Variants in PKHD1 observed in about 807,000 individuals in gnomAD.
PKHD1 encodes PKHD1 ciliary IPT domain containing fibrocystin/polyductin.
In PKHD1, 291 loss-of-function variants were observed where a neutral mutation model predicts 412.0. That is an observed-to-expected ratio of 0.71 (90% CI 0.64 to 0.78). The LOEUF is 0.78. PKHD1 is among the 30% of genes least tolerant of loss of function. PKHD1 has a pLI of 0.00. For synonymous variants in PKHD1, 1,777 were observed against 1,821.5 expected, an observed-to-expected ratio of 0.98 and a Z score of 0.62; for missense variants, 4,825 against 4,950.7, an observed-to-expected ratio of 0.97 and a Z score of 0.76.
In PKHD1 at chr6:51,870,522, C is replaced by G; in HGVS notation, c.7468G>C (p.Asp2490His). 4 of 1,612,438 alleles carry G rather than the reference C, an allele frequency of 2.5e-6. No homozygotes were observed. The highest frequency in any genetic ancestry group is 3.4e-6 in the Non-Finnish European group (4 of 1,178,550). The change falls in exon 47 of 67, where the codon GAC becomes CAC. Residue 2490 changes from aspartate (D) to histidine (H), a missense_variant. Asp to His is a moderately conservative substitution (Grantham distance 81, BLOSUM62 -1). Coordinates refer to ENST00000371117, the MANE Select transcript of PKHD1 (RefSeq NM_138694.4). ...INCVAIRTCS[D>H]CSQGQGGFTV... is the part of the protein sequence containing the mutation. Reference sequence around the variant, plus strand: ...TAATTACCTTGTCCTTGGGAACAGTCTGAACAGGTTCTAATGGCCACACAG... The same window carrying G: ...TAATTACCTTGTCCTTGGGAACAGTGTGAACAGGTTCTAATGGCCACACAG...
In PKHD1 at chr6:51,695,466, G is replaced by A. The variant is rs551049037; in HGVS notation, c.10157-35497C>T. On this transcript the variant is annotated intron_variant, in intron 60 of 66. Transcript: ENST00000371117. ...AGGAGAAGAGGAAGAAGAGGAGGAA[G>A]AAGAAGAGGAAGGAGAGGAGGAAGA... 6.2e-4 allele frequency among the ~76,000 whole-genome samples: 95 copies of A among 152,228 alleles called. 5 individuals carry two copies. In the South Asian group the frequency reaches 0.017, roughly 27 times the overall value.
intron 53 of PKHD1, among the ~76,000 whole-genome samples, chr6:51,783,996 C>G (rs913221944): frequency 6.6e-6 from 1 of 152,162 alleles, no homozygotes; most frequent in Non-Finnish European, 1.5e-5. Flanking sequence ...CAAACCTAAA[C>G]ATGCCCATTC....
intron 37 of PKHD1, among the ~76,000 whole-genome samples, chr6:51,923,956 T>G (rs528254600): frequency 8.6e-4 from 131 of 152,292 alleles, no homozygotes; most frequent in Non-Finnish European, 1.5e-3. Context: ...AGGCCCCAGT[T>G]TCATCATCTC....
rs1025341286 is a variant in PKHD1, at chr6:52,017,350, C to T, written c.5600+60G>A. ...ACCCAGCCTACACTCTCTGATGGCTCCATCGGTCCATTGGCCAAGCATTTG... is the reference window on the plus strand; with the variant it reads ...ACCCAGCCTACACTCTCTGATGGCTTCATCGGTCCATTGGCCAAGCATTTG... On this transcript the variant is annotated intron_variant, in intron 34 of 66. Transcript: ENST00000371117. The T allele has an allele frequency of 9.2e-6, 11 of 1,196,344 alleles. No homozygotes were observed. The South Asian group carries it at 1.3e-4, about 14-fold the overall frequency. 74.1% of individuals were successfully genotyped at this position (1,196,344 alleles called of 1,614,324 possible).
intron 65 of PKHD1, 88 bp from the exon 66 acceptor site, chr6:51,627,204 G>T: frequency 1.7e-6 from 2 of 1,184,862 alleles, no homozygotes; most frequent in Non-Finnish European, 2.5e-6. Flanking sequence ...ATGTACCCTT[G>T]TCCCAAAATT....
At chr6:51,866,770 A>C (rs1775121858) in intron 48 of PKHD1, among the ~76,000 whole-genome samples, 1 of 152,196 alleles carries the variant, frequency 6.6e-6, no homozygotes, top group African/African-American at 2.4e-5. Flanking sequence ...TGGTAAAAAC[A>C]CTAAAATAAT....
intron 37 of PKHD1, among the ~76,000 whole-genome samples, chr6:51,916,334 A>G (rs1006729949): frequency 1.6e-4 from 25 of 152,188 alleles, no homozygotes; most frequent in African/African-American, 5.1e-4. Flanking sequence ...AAAACTTAGA[A>G]TAACCCCAAC....
At chr6:51,993,936 G>A (rs186963451) in intron 35 of PKHD1, among the ~76,000 whole-genome samples, 83 of 152,234 alleles carry the variant, frequency 5.5e-4, no homozygotes, top group African/African-American at 1.9e-3. Flanking sequence ...GTGTTCCACA[G>A]AGAGCCAATA....
intron 48 of PKHD1, among the ~76,000 whole-genome samples, chr6:51,857,444 A>G (rs1272244470): frequency 1.3e-5 from 2 of 152,256 alleles, no homozygotes; most frequent in African/African-American, 4.8e-5. Flanking sequence ...TAAGTGTTGC[A>G]CACTTGGGCA....
chr6:51,665,769 A>C (rs1405202245), intron 60 of PKHD1, among the ~76,000 whole-genome samples: 1 of 152,174 alleles, frequency 6.6e-6, no homozygotes, highest in Non-Finnish European at 1.5e-5. Context: ...GAACTCATAA[A>C]AAGTGAGAGG....
Position 52,021,337 on chromosome 6 carries a change from T to C in PKHD1, c.5380+1464A>G, listed in dbSNP as rs538160494. On this transcript the variant is annotated intron_variant, in intron 33 of 66. Coordinates refer to ENST00000371117, the MANE Select transcript of PKHD1 (RefSeq NM_138694.4). Reference sequence around the variant, plus strand: ...CAACTTACCTGATCCTGAAACATCATTGATTTTTATCTTATACTAGTTGAA... The same window carrying C: ...CAACTTACCTGATCCTGAAACATCACTGATTTTTATCTTATACTAGTTGAA... Among the ~76,000 whole-genome samples, 11 of 152,348 alleles carry C rather than the reference T, an allele frequency of 7.2e-5. No individual in the cohort carries two copies. In the East Asian group the frequency reaches 2.1e-3, roughly 29 times the overall value.
intron 60 of PKHD1, chr6:51,721,888 C>A: frequency 6.3e-7 from 1 of 1,595,058 alleles, no homozygotes; most frequent in Non-Finnish European, 8.5e-7. Context: ...AGTGTCTTAA[C>A]AAGTCTTTCC....
chr6:51,886,154 C>T (rs772097451), intron 44 of PKHD1, among the ~76,000 whole-genome samples, 182 bp from the exon 45 acceptor site: 4 of 152,144 alleles, frequency 2.6e-5, no homozygotes, highest in Non-Finnish European at 5.9e-5. Flanking sequence ...CCCTCTGTGA[C>T]CTGCTCCCGA....
intron 52 of PKHD1, among the ~76,000 whole-genome samples, chr6:51,801,992 G>T (rs1184997970): frequency 6.6e-6 from 1 of 152,142 alleles, no homozygotes; most frequent in African/African-American, 2.4e-5. Context: ...AACTGTATCA[G>T]ATCAGTCCTC....
chr6:52,062,518 C>G lies in PKHD1; in HGVS notation c.1118+1G>C. 6.2e-7 allele frequency: 1 copy of G among 1,613,984 alleles called. No individual in the cohort carries two copies. Among genetic ancestry groups the G allele is most frequent in the Non-Finnish European group, 8.5e-7 (1 of 1,179,878 alleles). On this transcript the variant is annotated splice_donor_variant, in intron 14 of 66. Transcript: ENST00000371117. LOFTEE classifies it high-confidence loss of function. ...GGGCTCCCACTTTTCCTACAACATA[C>G]CTGAAAGGTTGTCCTTCCTGTGACC...
intron 60 of PKHD1, among the ~76,000 whole-genome samples, chr6:51,730,439 T>G (rs151100641): frequency 0.01 from 1,579 of 152,328 alleles, 26 homozygotes; most frequent in African/African-American, 0.036. Context: ...TGGCTCAACG[T>G]TGCTATTTGA....
intron 35 of PKHD1, among the ~76,000 whole-genome samples, chr6:51,971,736 T>C (rs1178999413): frequency 2.0e-5 from 3 of 151,244 alleles, no homozygotes; most frequent in African/African-American, 7.3e-5. Context: ...TTGTTTTGTT[T>C]TGTTTTGTTT....
chr6:51,644,693 T>C (rs1055931599), intron 63 of PKHD1, among the ~76,000 whole-genome samples: 3 of 152,102 alleles, frequency 2.0e-5, no homozygotes, highest in Non-Finnish European at 4.4e-5. Flanking sequence ...TGATTTTGTT[T>C]TGTTTTGAGC....
intron 60 of PKHD1, among the ~76,000 whole-genome samples, chr6:51,673,857 G>A (rs1007669464): frequency 4.6e-5 from 7 of 152,164 alleles, no homozygotes; most frequent in Admixed American, 3.3e-4. Flanking sequence ...AGGTAAATGA[G>A]TGAAAAGAAG....
Sources: gnomAD v4.1 joint callset for allele counts (sites outside exome capture counted in the v4.1 genomes callset) on GRCh38, gnomAD v4.1.1 for gene constraint, MANE v1.5 for transcripts, NCBI Gene and HGNC (gene_info 2026-07-23, HGNC 2026-07-21) for gene names.